The following GPM6A variants were observed in gnomAD, a reference collection of about 807,000 sequenced individuals.
GPM6A encodes the protein glycoprotein M6A.
In GPM6A, 7 loss-of-function variants were observed where a neutral mutation model predicts 32.1. The observed-to-expected ratio is 0.22, with a 90% CI of 0.12 to 0.41. The LOEUF (loss-of-function observed/expected upper bound fraction) is 0.41, where lower values mean the gene tolerates loss of function less well. Among genes scored for constraint, GPM6A ranks in the 10% least tolerant of loss-of-function variants. The pLI, the probability that GPM6A is intolerant of heterozygous loss-of-function variation, is 1.00. For missense variants in GPM6A, 235 were observed against 347.2 expected, an observed-to-expected ratio of 0.68 and a Z score of 2.57; for synonymous variants, 130 against 123.4, an observed-to-expected ratio of 1.05 and a Z score of -0.35.
At chr4:175,761,671 C>A (rs1362830895) in intron 1 of GPM6A, among the ~76,000 whole-genome samples, 1 of 151,670 alleles carries the variant, frequency 6.6e-6, no homozygotes, top group East Asian at 1.9e-4. Context: ...TAATAAAACA[C>A]CTGAGTAATG....
intron 1 of GPM6A, among the ~76,000 whole-genome samples, chr4:175,751,647 GAC>G (rs1223067092): frequency 1.3e-5 from 2 of 151,938 alleles, no homozygotes; most frequent in African/African-American, 4.8e-5. Context: ...CAAACTATAT[GAC>G]AGATCATTCT....
rs1292699239 is a variant in GPM6A, at chr4:175,701,591, G to T, written c.214C>A (p.Leu72Met). ...GTGACTTACATGGTAAAAACATCCAGTGTGTCTCCAGCAGTTCTTGCCATC... is the reference window on the plus strand; with the variant it reads ...GTGACTTACATGGTAAAAACATCCATTGTGTCTCCAGCAGTTCTTGCCATC... Reference protein sequence around the residue: ...FEMARTAGDTLDVFTMIDIFK... With the variant: ...FEMARTAGDTMDVFTMIDIFK... Residue 72 changes from leucine (L) to methionine (M), a missense_variant, in exon 2 of 7, where the codon CTG becomes ATG. By Grantham distance (15) the Leu-to-Met change is conservative. Around this residue, in one of 3 missense-constraint regions of GPM6A, gnomAD observed 101 missense variants for 171.2 expected, o/e 0.59. Transcript: ENST00000393658. The T allele has an allele frequency of 6.2e-7, 1 of 1,612,768 alleles. No individual in the cohort carries two copies. The highest frequency in any genetic ancestry group is 8.5e-7 in the Non-Finnish European group (1 of 1,178,934).
chr4:175,899,492 C>T (rs1308082620), intron 1 of GPM6A, among the ~76,000 whole-genome samples: 1 of 151,900 alleles, frequency 6.6e-6, no homozygotes, highest in Admixed American at 6.6e-5. Flanking sequence ...TTATGATAAC[C>T]AAAACAGCAT....
At chr4:175,872,992 A>G (rs1227632247) in intron 1 of GPM6A, among the ~76,000 whole-genome samples, 1 of 152,174 alleles carries the variant, frequency 6.6e-6, no homozygotes, top group Non-Finnish European at 1.5e-5. Flanking sequence ...ATACCTGCTG[A>G]TTTTATTTAA....
chr4:175,661,852 A>G (rs1203141274), intron 3 of GPM6A, among the ~76,000 whole-genome samples: 1 of 152,174 alleles, frequency 6.6e-6, no homozygotes, highest in Non-Finnish European at 1.5e-5. Flanking sequence ...CTTTATCAAA[A>G]TCCAGGAGAA....
intron 1 of GPM6A, among the ~76,000 whole-genome samples, chr4:175,984,366 T>C (rs1740908797): frequency 6.6e-6 from 1 of 152,134 alleles, no homozygotes; most frequent in Admixed American, 6.6e-5. Context: ...GGTTTCACCG[T>C]GTCAGCCAGG....
rs535712281 is a variant in GPM6A, at chr4:175,913,146, C to T, written c.-23+89163G>A. ...ATATATTGCTGAATTTCTTTTTATGCATTGTTCTGGTGTCATTTCAAGTTG... is the reference window on the plus strand; with the variant it reads ...ATATATTGCTGAATTTCTTTTTATGTATTGTTCTGGTGTCATTTCAAGTTG... On this transcript the variant is annotated intron_variant, in intron 1 of 7. Coordinates refer to the GPM6A transcript ENST00000280187. Among the ~76,000 whole-genome samples, 20 of 152,192 alleles carry T rather than the reference C, an allele frequency of 1.3e-4. 1 individual carries two copies. In the South Asian group the frequency reaches 4.1e-3, roughly 32 times the overall value.
intron 1 of GPM6A, among the ~76,000 whole-genome samples, chr4:175,870,464 C>A (rs1736872168): frequency 6.6e-6 from 1 of 151,940 alleles, no homozygotes; most frequent in Non-Finnish European, 1.5e-5. Flanking sequence ...AGGCACTATG[C>A]CAAATACAGA....
intron 1 of GPM6A, among the ~76,000 whole-genome samples, chr4:175,829,589 G>T (rs1480169014): frequency 6.7e-6 from 1 of 149,864 alleles, no homozygotes; most frequent in Non-Finnish European, 1.5e-5. Flanking sequence ...TCCAGGTTTT[G>T]CATGTGGACA....
chr4:175,823,066 C>A (rs1735328529), intron 1 of GPM6A, among the ~76,000 whole-genome samples: 1 of 152,142 alleles, frequency 6.6e-6, no homozygotes, highest in African/African-American at 2.4e-5. Context: ...ATTCGTAACA[C>A]CTCTGCAAGA....
intron 1 of GPM6A, among the ~76,000 whole-genome samples, chr4:175,712,701 T>C (rs1560890881): frequency 6.6e-6 from 1 of 152,196 alleles, no homozygotes; most frequent in Non-Finnish European, 1.5e-5. Context: ...TTTCACATGC[T>C]CACTCCTTTT....
chr4:175,801,017 C>A (rs1041433491), intron 1 of GPM6A: 23 of 176,148 alleles, frequency 1.3e-4, no homozygotes, highest in Non-Finnish European at 2.6e-4. Flanking sequence ...AATCTTAGCA[C>A]TATGTTTAAC....
chr4:175,675,824 GT>G (rs1035510549), intron 2 of GPM6A, among the ~76,000 whole-genome samples: 2 of 150,142 alleles, frequency 1.3e-5, no homozygotes, highest in Non-Finnish European at 2.9e-5. Flanking sequence ...AAATTTCTTC[GT>G]TTTTTTTGTA....
chr4:175,897,196 G>A (rs1412286294), intron 1 of GPM6A, among the ~76,000 whole-genome samples: 1 of 152,122 alleles, frequency 6.6e-6, no homozygotes, highest in Non-Finnish European at 1.5e-5. Flanking sequence ...AGGAGGTGAT[G>A]CTTGTGGTGT....
chr4:175,646,123 A>G (rs1741449639), intron 4 of GPM6A, among the ~76,000 whole-genome samples: 1 of 152,180 alleles, frequency 6.6e-6, no homozygotes, highest in African/African-American at 2.4e-5. Context: ...TTACTTTCTT[A>G]AAATCAGTTG....
At chr4:175,647,897 A>G (rs1382065919) in intron 4 of GPM6A, among the ~76,000 whole-genome samples, 1 of 152,316 alleles carries the variant, frequency 6.6e-6, no homozygotes, top group East Asian at 1.9e-4. Context: ...AATAGATTTT[A>G]TATTAAGAGC....
intron 1 of GPM6A, among the ~76,000 whole-genome samples, chr4:175,970,466 C>CGT (rs1027874828): frequency 2.6e-5 from 4 of 152,080 alleles, no homozygotes; most frequent in South Asian, 4.2e-4. Flanking sequence ...TTGGTTTGTT[C>CGT]GTGTGTGTGT....
chr4:175,707,638 CT>C (rs1312372882), intron 1 of GPM6A, among the ~76,000 whole-genome samples: 2 of 149,916 alleles, frequency 1.3e-5, no homozygotes, highest in South Asian at 2.1e-4. Context: ...GGCTTTATTT[CT>C]TTTTTTTTCA....
chr4:175,649,318 T>A (rs1263878984), intron 4 of GPM6A, among the ~76,000 whole-genome samples: 1 of 152,192 alleles, frequency 6.6e-6, no homozygotes, highest in African/African-American at 2.4e-5. Context: ...GAAATTAGGT[T>A]AATTTGGGGA....
Sources: gnomAD v4.1 joint callset for allele counts (sites outside exome capture counted in the v4.1 genomes callset) on GRCh38, gnomAD v4.1.1 for gene constraint, gnomAD v4.1.1 regional missense constraint, MANE v1.5 for transcripts, NCBI Gene and HGNC (gene_info 2026-07-23, HGNC 2026-07-21) for gene names.